MICU3: variants seen among roughly 807,000 people sequenced by gnomAD.
The protein encoded by MICU3 is calcium uptake protein 3, mitochondrial.
In MICU3, 62 loss-of-function variants were observed where a neutral mutation model predicts 66.5. The ratio of observed to expected loss-of-function variants is 0.93; its 90% confidence interval spans 0.76 to 1.15. MICU3 has a LOEUF of 1.15. Among genes scored for constraint, MICU3 ranks in the 50% most tolerant of loss-of-function variants. The pLI is 0.00. For synonymous variants in MICU3, 308 were observed against 240.7 expected (o/e 1.28, Z -2.59); for missense variants, 779 against 664.4 (o/e 1.17, Z -1.90).
At chr8:17,042,132 G>A (rs539582394) in intron 1 of MICU3, among the ~76,000 whole-genome samples, 1 of 152,250 alleles carries the variant, frequency 6.6e-6, no homozygotes, top group South Asian at 2.1e-4. Context: ...AGTTGTTGAT[G>A]TTATCTCTTT....
At chr8:17,125,454 A>C (rs1374171988), downstream of MICU3, among the ~76,000 whole-genome samples, 1 of 152,100 alleles carries the variant, frequency 6.6e-6, no homozygotes, top group Middle Eastern at 3.4e-3. Flanking sequence ...ATCCTTTGGT[A>C]TACGTTCATA....
rs368729143 is a variant in MICU3 at position 17,117,662 on chromosome 8, G to A, written c.1525-1045G>A. 8.9e-5 allele frequency among the ~76,000 whole-genome samples: 13 copies of A among 145,744 alleles called. No homozygotes were observed. In the East Asian group the frequency reaches 1.4e-3, roughly 16 times the overall value. Reference sequence around the variant, plus strand: ...CTTGCTCTGTTGCCCAGGCTGGAGTGCAGTGGCGCAATCTCAGCCCACTGC... The same window carrying A: ...CTTGCTCTGTTGCCCAGGCTGGAGTACAGTGGCGCAATCTCAGCCCACTGC... On this transcript the variant is annotated intron_variant, in intron 13 of 14. Transcript: ENST00000318063.
At chr8:17,106,709 A>C (rs1801773473) in intron 11 of MICU3, among the ~76,000 whole-genome samples, 1 of 152,092 alleles carries the variant, frequency 6.6e-6, no homozygotes, top group Non-Finnish European at 1.5e-5. Context: ...TTTGCACGTG[A>C]ATCAAAATTA....
In MICU3 at chr8:17,087,011, A is replaced by G. The variant is rs767192572; in HGVS notation, c.825A>G (p.Gly275=). Reference sequence around the variant, plus strand: ...AAAATGAAAAGAGAGAAATTAAAGGAGATGAAGAAAAGCGTGCAATGCTGG... The same window carrying G: ...AAAATGAAAAGAGAGAAATTAAAGGGGATGAAGAAAAGCGTGCAATGCTGG... ...RKKNEKREIK[G]DEEKRAMLRL... is the part of the protein sequence containing the mutation. Residue 275 remains glycine (G), a synonymous_variant, in exon 7 of 15, where the codon GGA becomes GGG. Coordinates refer to ENST00000318063, the MANE Select transcript of MICU3 (RefSeq NM_181723.3). The G allele has an allele frequency of 2.5e-6, 4 of 1,607,736 alleles. No homozygotes were observed. Among genetic ancestry groups the G allele is most frequent in the East Asian group, 2.2e-5 (1 of 44,626 alleles).
chr8:17,066,545 T>TATAGA (rs1563321465), intron 2 of MICU3, among the ~76,000 whole-genome samples: 903 of 53,392 alleles, frequency 0.017, 1 homozygote, highest in South Asian at 0.028. Flanking sequence ...ATATATAGAT[T>TATAGA]TTTTTTTTTT....
At chr8:17,038,149 G>A (rs1262567349) in intron 1 of MICU3, among the ~76,000 whole-genome samples, 2 of 152,096 alleles carry the variant, frequency 1.3e-5, no homozygotes, top group African/African-American at 4.8e-5. Flanking sequence ...TGGAAGGCAC[G>A]ATCAATTTTG....
intron 1 of MICU3, among the ~76,000 whole-genome samples, chr8:17,045,275 G>T (rs1276973108): frequency 1.3e-5 from 2 of 151,964 alleles, no homozygotes; most frequent in Non-Finnish European, 2.9e-5. Context: ...TCTTTCTCCT[G>T]CCTGCCTTTC....
At chr8:17,114,828 C>T (rs1802531036) in intron 12 of MICU3, among the ~76,000 whole-genome samples, 1 of 152,178 alleles carries the variant, frequency 6.6e-6, no homozygotes, top group Admixed American at 6.5e-5. Context: ...CAAGCTTAAA[C>T]CCCAGAGGAG....
chr8:17,045,286 A>T (rs1017309118), intron 1 of MICU3, among the ~76,000 whole-genome samples: 13 of 151,994 alleles, frequency 8.6e-5, no homozygotes, highest in African/African-American at 2.9e-4. Flanking sequence ...CCTGCCTTTC[A>T]CCTGCCCACA....
At chr8:17,104,116 A>G (rs968631923) in intron 9 of MICU3, among the ~76,000 whole-genome samples, 28 of 152,102 alleles carry the variant, frequency 1.8e-4, no homozygotes, top group Non-Finnish European at 2.9e-4. Flanking sequence ...ATAGAATCCT[A>G]TATGCATAAT....
intron 3 of MICU3, among the ~76,000 whole-genome samples, chr8:17,074,329 A>G (rs960677858): frequency 6.6e-6 from 1 of 152,188 alleles, no homozygotes; most frequent in Admixed American, 6.5e-5. Context: ...TAACCCATAT[A>G]GACAATATCT....
At chr8:17,074,507 A>G (rs920989229) in intron 3 of MICU3, among the ~76,000 whole-genome samples, 1 of 152,016 alleles carries the variant, frequency 6.6e-6, no homozygotes. Flanking sequence ...CAGTATGTAG[A>G]GAATGATTTA....
chr8:17,056,188 C>T (rs766729372), intron 1 of MICU3, among the ~76,000 whole-genome samples: 1 of 152,180 alleles, frequency 6.6e-6, no homozygotes, highest in African/African-American at 2.4e-5. Context: ...TATGTCAATT[C>T]CCCAGGGACT....
chr8:17,028,597 A>G (rs1811452307), intron 1 of MICU3, among the ~76,000 whole-genome samples: 2 of 152,242 alleles, frequency 1.3e-5, no homozygotes, highest in Admixed American at 1.3e-4. Flanking sequence ...TGCAATTTTT[A>G]TAGGCTTTGT....
intron 3 of MICU3, among the ~76,000 whole-genome samples, chr8:17,075,443 A>T (rs1820236603): frequency 6.6e-6 from 1 of 152,120 alleles, no homozygotes; most frequent in Non-Finnish European, 1.5e-5. Context: ...AAACTCGGGT[A>T]TGAACCAAGG....
chr8:17,044,010 G>A (rs927371633), intron 1 of MICU3, among the ~76,000 whole-genome samples: 1 of 152,142 alleles, frequency 6.6e-6, no homozygotes, highest in African/African-American at 2.4e-5. Flanking sequence ...AATTATAGCA[G>A]TCGTTTATAA....
intron 1 of MICU3, among the ~76,000 whole-genome samples, chr8:17,036,045 C>T (rs191923455): frequency 1.4e-3 from 217 of 152,234 alleles, no homozygotes; most frequent in African/African-American, 4.7e-3. Context: ...AATGAAGCCG[C>T]GGACCCTCGC....
At chr8:17,100,439 A>G (rs1801158855) in intron 9 of MICU3, among the ~76,000 whole-genome samples, 1 of 151,822 alleles carries the variant, frequency 6.6e-6, no homozygotes. Flanking sequence ...CTCCCACATT[A>G]GAATAATAAT....
chr8:17,072,610 A>C (rs1476052441), intron 3 of MICU3, among the ~76,000 whole-genome samples: 1 of 152,184 alleles, frequency 6.6e-6, no homozygotes, highest in Admixed American at 6.6e-5. Flanking sequence ...TATCAACAGA[A>C]GAGGGTAAGT....
Sources: allele counts gnomAD v4.1 joint callset (sites outside exome capture counted in the v4.1 genomes callset), GRCh38; gene constraint gnomAD v4.1.1; transcripts MANE v1.5; gene names NCBI Gene and HGNC (gene_info 2026-07-23, HGNC 2026-07-21).